The following RAC2 variants were observed in gnomAD, a reference collection of about 807,000 sequenced individuals.
RAC2 encodes the protein ras-related C3 botulinum toxin substrate 2.
A neutral mutation model predicts 24.0 loss-of-function variants in RAC2; 1 was observed. That is an observed-to-expected ratio of 0.04 (90% CI 0.01 to 0.20). The LOEUF is 0.20. Ranked by LOEUF, RAC2 falls within the 10% of genes least tolerant of loss-of-function variation. RAC2 has a pLI of 1.00. For synonymous variants in RAC2, 114 were observed against 106.8 expected (o/e 1.07, Z -0.41); for missense variants, 130 against 259.1 (o/e 0.50, Z 3.42).
chr22:37,226,678 G>A lies in RAC2; in HGVS notation c.574C>T (p.Leu192Phe), dbSNP rs754120892. 6 of 1,612,828 alleles carry A rather than the reference G, an allele frequency of 3.7e-6. No homozygotes were observed. The highest frequency in any genetic ancestry group is 5.1e-6 in the Non-Finnish European group (6 of 1,179,434). ...TRQQKRACSL[L>F] is the part of the protein sequence containing the mutation. Reference sequence around the variant, plus strand: ...AGAGTGGGGGACTCTTACCCCTAGAGGAGGCTGCAGGCGCGCTTCTGCTGC... The same window carrying A: ...AGAGTGGGGGACTCTTACCCCTAGAAGAGGCTGCAGGCGCGCTTCTGCTGC... The change falls in exon 6 of 7, where the codon CTC becomes TTC. Residue 192 changes from leucine to phenylalanine, a missense_variant. By Grantham distance (22) the Leu-to-Phe change is conservative. Around this residue, in one of 2 missense-constraint regions of RAC2, gnomAD observed 119 missense variants for 192.1 expected, o/e 0.62. Transcript: ENST00000249071.
chr22:37,243,125 A>C (rs1927456030), intron 1 of RAC2, among the ~76,000 whole-genome samples: 1 of 152,178 alleles, frequency 6.6e-6, no homozygotes, highest in Non-Finnish European at 1.5e-5. Context: ...CAGCCTCCCC[A>C]GTAGCTGGGA....
In RAC2 at chr22:37,231,878, G is replaced by A; in HGVS notation, c.288+54C>T. ...CCTAGAGTCACCAGTTCCTCCCTCT[G>A]TCCCTCAGGGTTACCTGCCCCAGAG... On this transcript the variant is annotated intron_variant, in intron 4 of 6. Coordinates refer to ENST00000249071, the MANE Select transcript of RAC2 (RefSeq NM_002872.5). This position sits in a 1 kb window ranked among gnomAD's most constrained non-coding sequence, Gnocchi z 5.5. The A allele has an allele frequency of 2.0e-6, 3 of 1,534,134 alleles. 1 individual carries two copies. In the South Asian group the frequency reaches 3.6e-5, roughly 18 times the overall value.
chr22:37,226,467 C>T (rs546855740), intron 6 of RAC2, among the ~76,000 whole-genome samples: 1 of 152,200 alleles, frequency 6.6e-6, no homozygotes, highest in African/African-American at 2.4e-5. Context: ...TTCATTCATA[C>T]CTTGGGCCTT....
intron 2 of RAC2, among the ~76,000 whole-genome samples, chr22:37,235,472 C>T (rs1210251634): frequency 6.6e-6 from 1 of 152,180 alleles, no homozygotes; most frequent in East Asian, 1.9e-4. Context: ...CCAGCCATGT[C>T]GGGGCTACCA....
chr22:37,240,716 ACT>A, intron 2 of RAC2: 1 of 399,518 alleles, frequency 2.5e-6, no homozygotes, highest in Admixed American at 3.6e-5. Flanking sequence ...AGATAAAGTC[ACT>A]CTGGGGAGTG....
At chr22:37,241,765 C>T (rs1927402379) in intron 1 of RAC2, 107 bp from the exon 2 acceptor site, 2 of 975,012 alleles carry the variant, frequency 2.1e-6, no homozygotes, top group South Asian at 2.6e-5. Context: ...CCCAGCCTAG[C>T]CCTCTGGGCC....
chr22:37,232,346 T>C (rs905876103), intron 3 of RAC2: 5 of 446,604 alleles, frequency 1.1e-5, no homozygotes, highest in African/African-American at 1.0e-4. Context: ...GATTCTAGAG[T>C]CCATACTCCA....
intron 2 of RAC2, chr22:37,240,886 G>C: frequency 1.6e-6 from 1 of 630,058 alleles, no homozygotes. Context: ...CAGGGAGCTT[G>C]TGGCGAACAG....
chr22:37,231,593 G>A lies in RAC2; in HGVS notation c.289-203C>T. On this transcript the variant is annotated intron_variant, in intron 4 of 6. Coordinates refer to ENST00000249071, the MANE Select transcript of RAC2 (RefSeq NM_002872.5). The surrounding 1 kb of genome is among the most constrained non-coding windows in gnomAD (Gnocchi z 5.5). ...CCACGACGTTGTGCAGGAAGGAGGG[G>A]GCGCATGATTGTAGGAAAGGAGGAG... is the stretch of plus-strand genomic sequence containing the variant. The A allele has an allele frequency of 1.6e-6, 1 of 610,630 alleles. No individual in the cohort carries two copies. Among genetic ancestry groups the A allele is most frequent in the Non-Finnish European group, 2.9e-6 (1 of 344,924 alleles). 37.8% of individuals were successfully genotyped at this position (610,630 alleles called of 1,614,324 possible). A position where few individuals can be genotyped will look rare whatever the true frequency, so the allele number is the denominator to read the frequency against.
In RAC2 at chr22:37,225,424, A is replaced by G. The variant is rs1322125685; in HGVS notation, c.*618T>C. 6.6e-6 allele frequency: 1 copy of G among 152,246 alleles called. No individual in the cohort carries two copies. Among genetic ancestry groups the G allele is most frequent in the Admixed American group, 6.5e-5 (1 of 15,284 alleles). 9.4% of individuals were successfully genotyped at this position (152,246 alleles called of 1,614,324 possible). On this transcript the variant is annotated 3_prime_UTR_variant, in exon 7 of 7. Coordinates refer to ENST00000249071, the MANE Select transcript of RAC2 (RefSeq NM_002872.5). Reference sequence around the variant, plus strand: ...TGAGTGCAGCAGAAAGTCTTAAGAAATGGCAGGGGCTGGTTGAACCCAGAT... The same window carrying G: ...TGAGTGCAGCAGAAAGTCTTAAGAAGTGGCAGGGGCTGGTTGAACCCAGAT...
intron 3 of RAC2, chr22:37,232,268 C>G (rs1371212221): frequency 5.5e-6 from 3 of 542,826 alleles, no homozygotes; most frequent in Non-Finnish European, 1.0e-5. Flanking sequence ...ATTCCTCAGA[C>G]AGGGAAAGTG....
chr22:37,237,700 C>T (rs1927272301), intron 2 of RAC2, among the ~76,000 whole-genome samples: 1 of 152,104 alleles, frequency 6.6e-6, no homozygotes, highest in Non-Finnish European at 1.5e-5. Flanking sequence ...AGAGCTGAGC[C>T]CTGCCTTCCT....
In RAC2 at chr22:37,235,205, C is replaced by T. The variant is rs115317725; in HGVS notation, c.108-2287G>A. Among the ~76,000 whole-genome samples the T allele has an allele frequency of 4.9e-3, 752 of 152,230 alleles. 5 individuals are homozygous for T. Among genetic ancestry groups the T allele is most frequent in the African/African-American group, 0.017 (695 of 41,530 alleles). On this transcript the variant is annotated intron_variant, in intron 2 of 6. Coordinates refer to ENST00000249071, the MANE Select transcript of RAC2 (RefSeq NM_002872.5). ...CCTCTCCTGAGAGGAGTCCCCCACACCCCCAAAAAGTGGGCAGCCCAGCCT... is the reference window on the plus strand; with the variant it reads ...CCTCTCCTGAGAGGAGTCCCCCACATCCCCAAAAAGTGGGCAGCCCAGCCT...
At chr22:37,242,024 C>T (rs1327471445) in intron 1 of RAC2, among the ~76,000 whole-genome samples, 2 of 152,196 alleles carry the variant, frequency 1.3e-5, no homozygotes, top group Non-Finnish European at 2.9e-5. Flanking sequence ...GCTTCAAATC[C>T]CAGCTGTACC....
chr22:37,231,921 G>C lies in RAC2; in HGVS notation c.288+11C>G. ...CCCCAGAGCCCCCAAGGCCCACCCT[G>C]TCCAGCTCACCTTGGCGCGGACGTT... On this transcript the variant is annotated intron_variant, in intron 4 of 6. Coordinates refer to ENST00000249071, the MANE Select transcript of RAC2 (RefSeq NM_002872.5). The surrounding 1 kb of genome is among the most constrained non-coding windows in gnomAD (Gnocchi z 5.5). The C allele has an allele frequency of 1.9e-6, 3 of 1,551,682 alleles. No individual in the cohort carries two copies. The highest frequency in any genetic ancestry group is 2.6e-6 in the Non-Finnish European group (3 of 1,147,012).
chr22:37,242,351 T>C (rs1467593809), intron 1 of RAC2, among the ~76,000 whole-genome samples: 1 of 152,212 alleles, frequency 6.6e-6, no homozygotes, highest in African/African-American at 2.4e-5. Flanking sequence ...AACTTTCATT[T>C]TCCCACCTGT....
chr22:37,230,587 T>C (rs1927030385), intron 5 of RAC2, among the ~76,000 whole-genome samples: 1 of 152,120 alleles, frequency 6.6e-6, no homozygotes, highest in African/African-American at 2.4e-5. Context: ...TTGCTGTCCT[T>C]CCTTCAAATC....
At position 37,240,891 on chromosome 22, in the gene RAC2, G is replaced by A. The variant is rs527740080; in HGVS notation, c.107+696C>T. 8.0e-5 allele frequency: 51 copies of A among 634,878 alleles called. No individual in the cohort carries two copies. The East Asian group carries it at 8.2e-4, about 10-fold the overall frequency. The allele number at this position is 634,878 out of a possible 1,614,324, so 39.3% of individuals were successfully genotyped here. Reference sequence around the variant, plus strand: ...TAGAAATGTGCAGGGAGCTTGTGGCGAACAGTAGGGTCCGGAGGAGGCAGA... The same window carrying A: ...TAGAAATGTGCAGGGAGCTTGTGGCAAACAGTAGGGTCCGGAGGAGGCAGA... On this transcript the variant is annotated intron_variant, in intron 2 of 6. Transcript: ENST00000249071.
intron 2 of RAC2, among the ~76,000 whole-genome samples, chr22:37,235,850 G>A (rs908028603): frequency 3.3e-5 from 5 of 152,208 alleles, no homozygotes; most frequent in Non-Finnish European, 5.9e-5. Flanking sequence ...TCAGGGCCAC[G>A]GTGATGGGGA....
Sources: allele counts gnomAD v4.1 joint callset (sites outside exome capture counted in the v4.1 genomes callset), GRCh38; gene constraint gnomAD v4.1.1; regional missense constraint gnomAD v4.1.1; non-coding constraint Gnocchi (gnomAD v3.1); transcripts MANE v1.5; gene names NCBI Gene and HGNC (gene_info 2026-07-23, HGNC 2026-07-21).